Variants in DAB1 observed in about 807,000 individuals in gnomAD.
DAB1 encodes DAB adaptor protein 1.
A neutral mutation model predicts 64.6 loss-of-function variants in DAB1; 15 were observed. That is an observed-to-expected ratio of 0.23 (90% CI 0.16 to 0.36). The LOEUF is 0.36. DAB1 is among the 10% of genes least tolerant of loss of function. The pLI, the probability that DAB1 is intolerant of heterozygous loss-of-function variation, is 1.00. For missense variants in DAB1, 596 were observed against 706.7 expected (o/e 0.84, Z 1.78); for synonymous variants, 235 against 251.9 (o/e 0.93, Z 0.64).
Position 58,234,574 on chromosome 1 carries a change from C to T in DAB1, n.310-83986G>A, listed in dbSNP as rs1367780178. ...TGGGCCCTCCTCCTGCTGGGCCCAC[C>T]TATCTATTCCCCTAGGAATGCTAGA... is the stretch of plus-strand genomic sequence containing the variant. On this transcript the variant is annotated intron_variant and non_coding_transcript_variant, in intron 4 of 20. Transcript: ENST00000485760. 3.3e-5 allele frequency among the ~76,000 whole-genome samples: 5 copies of T among 152,294 alleles called. No individual in the cohort carries two copies. The East Asian group carries it at 9.6e-4, about 29-fold the overall frequency.
chr1:57,851,708 C>T (rs1265964421), intron 1 of DAB1, among the ~76,000 whole-genome samples: 1 of 152,240 alleles, frequency 6.6e-6, no homozygotes, highest in Non-Finnish European at 1.5e-5. Context: ...ATTTCATTCT[C>T]TGGCTTCTGA....
At chr1:57,289,532 C>A (rs927221582) in intron 2 of DAB1, among the ~76,000 whole-genome samples, 4 of 152,110 alleles carry the variant, frequency 2.6e-5, no homozygotes, top group African/African-American at 7.2e-5. Flanking sequence ...TAGACTGCCT[C>A]CAAAGTATTT....
intron 5 of DAB1, among the ~76,000 whole-genome samples, chr1:58,145,087 T>C (rs1471829412): frequency 6.6e-6 from 1 of 152,214 alleles, no homozygotes. Flanking sequence ...CCTTTTGTAC[T>C]TGCTAAATAT....
Position 57,780,754 on chromosome 1 carries a change from C to CT in DAB1, n.551+103244dup, listed in dbSNP as rs1255752475. 2.9e-3 allele frequency among the ~76,000 whole-genome samples: 397 copies of CT among 136,106 alleles called. 2 individuals carry two copies. The highest frequency in any genetic ancestry group is 5.3e-3 in the Non-Finnish European group (329 of 61,742). The allele number at this position is 136,106 out of a possible 152,430, so 89.3% of individuals were successfully genotyped here. A position where few individuals can be genotyped will look rare whatever the true frequency, so the allele number is the denominator to read the frequency against. ...TTCTATTCTTTTCTTTCTTTTTTTTCTTTTTTCTTTTTTTTTTGAGACAGA... is the reference window on the plus strand; with the variant it reads ...TTCTATTCTTTTCTTTCTTTTTTTTCTTTTTTTCTTTTTTTTTTGAGACAGA... On this transcript the variant is annotated intron_variant and non_coding_transcript_variant, in intron 6 of 20. Transcript: ENST00000485760.
intron 6 of DAB1, among the ~76,000 whole-genome samples, chr1:57,667,862 A>C (rs1646466852): frequency 6.6e-6 from 1 of 151,918 alleles, no homozygotes; most frequent in African/African-American, 2.4e-5. Context: ...AACAACACAC[A>C]CTGGGGCCTG....
intron 5 of DAB1, among the ~76,000 whole-genome samples, chr1:57,890,456 C>CTTTTTTTTTT (rs71246207): frequency 1.8e-4 from 24 of 136,614 alleles, no homozygotes; most frequent in Non-Finnish European, 2.3e-4. Flanking sequence ...CTTTTCTTTT[C>CTTTTTTTTTT]TTTTTTTTTT....
intron 7 of DAB1, among the ~76,000 whole-genome samples, chr1:57,549,190 T>C (rs1351074705): frequency 2.6e-5 from 4 of 152,146 alleles, no homozygotes; most frequent in African/African-American, 9.7e-5. Flanking sequence ...ATCACTGTAA[T>C]AGCAGTGATC....
chr1:58,328,411 T>A (rs541721522), intron 4 of DAB1, among the ~76,000 whole-genome samples: 1 of 152,322 alleles, frequency 6.6e-6, no homozygotes, highest in Non-Finnish European at 1.5e-5. Flanking sequence ...TCCTTTCCCA[T>A]GAATCCTCTC....
intron 1 of DAB1, chr1:57,878,588 CAG>C (rs1482776217): frequency 1.3e-5 from 2 of 152,038 alleles, no homozygotes; most frequent in Admixed American, 1.3e-4. Context: ...TTATGGGGTA[CAG>C]AGTGATATTT....
At chr1:57,234,854 G>T (rs557285260) in intron 2 of DAB1, among the ~76,000 whole-genome samples, 6 of 152,306 alleles carry the variant, frequency 3.9e-5, no homozygotes, top group African/African-American at 1.4e-4. Context: ...ACTATGTGCT[G>T]GGGGCTCAGC....
At chr1:57,731,895 G>A (rs903821050) in intron 6 of DAB1, among the ~76,000 whole-genome samples, 11 of 152,032 alleles carry the variant, frequency 7.2e-5, no homozygotes, top group African/African-American at 2.2e-4. Flanking sequence ...CTTACAATCC[G>A]AAACATATGT....
At chr1:58,017,213 A>T (rs932322859) in intron 5 of DAB1, among the ~76,000 whole-genome samples, 1 of 151,956 alleles carries the variant, frequency 6.6e-6, no homozygotes, top group Non-Finnish European at 1.5e-5. Context: ...GCAGGATGAC[A>T]CCTGGATCTC....
At position 57,141,890 on chromosome 1, in the gene DAB1, CTG is replaced by C. The variant is rs1286674879; in HGVS notation, c.207+3398_207+3399del. Reference sequence around the variant, plus strand: ...AAACAGAATACAATTACGGGCAAAACTGTGTCTTGTCGAACACAGGCCCTCTT... The same window carrying C: ...AAACAGAATACAATTACGGGCAAAACTGTCTTGTCGAACACAGGCCCTCTT... On this transcript the variant is annotated intron_variant, in intron 3 of 14. Coordinates refer to ENST00000371236, the MANE Select transcript of DAB1 (RefSeq NM_001365792.1). Among the ~76,000 whole-genome samples, 4 of 152,278 alleles carry C rather than the reference CTG, an allele frequency of 2.6e-5. No homozygotes were observed. In the East Asian group the frequency reaches 7.7e-4, roughly 29 times the overall value.
intron 3 of DAB1, among the ~76,000 whole-genome samples, chr1:58,355,705 G>A (rs1365717021): frequency 3.9e-5 from 6 of 152,086 alleles, no homozygotes; most frequent in Non-Finnish European, 1.5e-5. Context: ...GGGATAGTGG[G>A]GTACAGGTAG....
intron 1 of DAB1, among the ~76,000 whole-genome samples, chr1:57,832,718 G>C (rs1460906802): frequency 6.6e-6 from 1 of 152,206 alleles, no homozygotes; most frequent in Non-Finnish European, 1.5e-5. Context: ...AGAGAGAAAA[G>C]ACAGAGGGAG....
exon 2 of DAB1, chr1:57,826,299 T>A (rs1016031558): frequency 6.6e-6 from 1 of 152,200 alleles, no homozygotes; most frequent in Non-Finnish European, 1.5e-5. Context: ...TCACATGCAA[T>A]GATGAGCAGG....
chr1:58,372,249 T>C (rs1401022210), intron 3 of DAB1, among the ~76,000 whole-genome samples: 1 of 152,352 alleles, frequency 6.6e-6, no homozygotes, highest in East Asian at 1.9e-4. Context: ...ATTTCCTGGA[T>C]GTGACACATG....
intron 7 of DAB1, among the ~76,000 whole-genome samples, chr1:57,638,478 A>G (rs185984302): frequency 3.3e-5 from 5 of 152,320 alleles, no homozygotes; most frequent in Admixed American, 2.6e-4. Context: ...CCTACCATGC[A>G]AACCATCCTT....
intron 14 of DAB1, among the ~76,000 whole-genome samples, chr1:57,005,075 T>G (rs1646017750): frequency 6.6e-6 from 1 of 152,138 alleles, no homozygotes; most frequent in South Asian, 2.1e-4. Flanking sequence ...ACTGAATGGA[T>G]TTGATGATAA....
Sources: gnomAD v4.1 joint callset for allele counts (sites outside exome capture counted in the v4.1 genomes callset) on GRCh38, gnomAD v4.1.1 for gene constraint, MANE v1.5 for transcripts, NCBI Gene and HGNC (gene_info 2026-07-23, HGNC 2026-07-21) for gene names.